Variants in NAA15 observed in about 807,000 individuals in gnomAD.
NAA15 encodes the protein N-alpha-acetyltransferase 15, NatA auxiliary subunit, also known as N-terminal acetyltransferase.
A neutral mutation model predicts 114.0 loss-of-function variants in NAA15; 34 were observed. The ratio of observed to expected loss-of-function variants is 0.30; its 90% CI spans 0.23 to 0.40. The LOEUF is 0.40. Ranked by LOEUF, NAA15 falls within the 10% of genes least tolerant of loss-of-function variation. NAA15 has a pLI of 1.00. For missense variants in NAA15, 658 were observed against 1,004.5 expected (o/e 0.66, Z 4.66); for synonymous variants, 340 against 338.0 (o/e 1.01, Z -0.06).
At chr4:139,323,664 G>A (rs1405232585) in intron 1 of NAA15, among the ~76,000 whole-genome samples, 1 of 152,184 alleles carries the variant, frequency 6.6e-6, no homozygotes, top group African/African-American at 2.4e-5. Context: ...CTGCAGTCTG[G>A]AAGATGCTTC....
intron 4 of NAA15, among the ~76,000 whole-genome samples, chr4:139,341,455 C>T (rs993868782): frequency 5.3e-5 from 8 of 151,056 alleles, no homozygotes; most frequent in South Asian, 4.2e-4. Flanking sequence ...ATTAGCTAGG[C>T]GTGGTGGCAG....
At chr4:139,351,015 A>C (rs1297568742) in intron 7 of NAA15, among the ~76,000 whole-genome samples, 176 bp from the exon 8 acceptor site, 1 of 152,212 alleles carries the variant, frequency 6.6e-6, no homozygotes, top group Non-Finnish European at 1.5e-5. Context: ...TAAGATAAAA[A>C]AAATTGAAAA....
intron 15 of NAA15, among the ~76,000 whole-genome samples, chr4:139,374,508 A>C (rs1234221753): frequency 2.0e-5 from 3 of 152,180 alleles, no homozygotes; most frequent in Non-Finnish European, 4.4e-5. Context: ...TTTGGTATTG[A>C]AAACATGGTT....
At chr4:139,361,070 G>T (rs181935402) in intron 13 of NAA15, among the ~76,000 whole-genome samples, 2 of 152,168 alleles carry the variant, frequency 1.3e-5, no homozygotes, top group East Asian at 1.9e-4. Flanking sequence ...TGATAAAATT[G>T]TTTTCTTAAT....
At chr4:139,309,167 G>A (rs1054709441) in intron 1 of NAA15, among the ~76,000 whole-genome samples, 5 of 150,918 alleles carry the variant, frequency 3.3e-5, no homozygotes, top group Admixed American at 3.3e-4. Flanking sequence ...GGCCAACATG[G>A]TGAAACCCCG....
chr4:139,334,296 C>A, intron 2 of NAA15, 38 bp downstream of exon 2: 1 of 1,329,220 alleles, frequency 7.5e-7, no homozygotes, highest in South Asian at 1.4e-5. Context: ...ACATACCTGT[C>A]TGGCCTCTCT....
chr4:139,361,178 G>A (rs1174478583), intron 13 of NAA15, among the ~76,000 whole-genome samples: 3 of 151,844 alleles, frequency 2.0e-5, no homozygotes, highest in Admixed American at 6.6e-5. Flanking sequence ...TTTCACATTT[G>A]CAATATTGTC....
chr4:139,371,541 A>ACACG (rs1239183843), intron 15 of NAA15, among the ~76,000 whole-genome samples: 3 of 148,728 alleles, frequency 2.0e-5, no homozygotes, highest in South Asian at 2.1e-4. Flanking sequence ...ACACACACAC[A>ACACG]CGAAATATAG....
chr4:139,326,341 A>G (rs1353907450), intron 1 of NAA15, among the ~76,000 whole-genome samples: 1 of 152,192 alleles, frequency 6.6e-6, no homozygotes, highest in Non-Finnish European at 1.5e-5. Flanking sequence ...CCTGCTTCAT[A>G]TCATTAAGAT....
intron 18 of NAA15, among the ~76,000 whole-genome samples, chr4:139,385,189 G>C (rs553782365): frequency 1.3e-5 from 2 of 149,826 alleles, no homozygotes; most frequent in South Asian, 4.2e-4. Flanking sequence ...TGCTGAGGCA[G>C]AAGGATCACT....
intron 1 of NAA15, among the ~76,000 whole-genome samples, chr4:139,309,929 T>G (rs967804970): frequency 1.3e-5 from 2 of 152,180 alleles, no homozygotes; most frequent in Non-Finnish European, 2.9e-5. Flanking sequence ...AACTAGTTAT[T>G]TGATGATAAT....
chr4:139,385,300 AAT>A (rs1553999087), intron 18 of NAA15, among the ~76,000 whole-genome samples: 1 of 90,184 alleles, frequency 1.1e-5, no homozygotes, highest in South Asian at 3.2e-4. Flanking sequence ...ATATATATAT[AAT>A]ATATATTATA....
intron 19 of NAA15, chr4:139,386,459 T>C (rs1748912353): frequency 3.2e-6 from 1 of 316,662 alleles, no homozygotes; most frequent in African/African-American, 2.2e-5. Context: ...ATACATTCCA[T>C]CGTCATTTTT....
chr4:139,357,172 A>G (rs924238340), intron 10 of NAA15, among the ~76,000 whole-genome samples: 5 of 152,200 alleles, frequency 3.3e-5, no homozygotes, highest in Non-Finnish European at 5.9e-5. Flanking sequence ...AAGTTATTAT[A>G]TGAAAGGGAT....
intron 1 of NAA15, among the ~76,000 whole-genome samples, chr4:139,327,965 T>A (rs1444136285): frequency 6.6e-6 from 1 of 152,212 alleles, no homozygotes; most frequent in East Asian, 1.9e-4. Flanking sequence ...CTTTTTCATT[T>A]TAACTTACAC....
At chr4:139,304,348 C>A (rs1248670639) in intron 1 of NAA15, among the ~76,000 whole-genome samples, 5 of 152,256 alleles carry the variant, frequency 3.3e-5, no homozygotes, top group African/African-American at 4.8e-5. Flanking sequence ...AACCATGGTT[C>A]ATTATTATAA....
chr4:139,385,132 C>T (rs1748859643), intron 18 of NAA15, among the ~76,000 whole-genome samples, 154 bp downstream of exon 18: 1 of 151,096 alleles, frequency 6.6e-6, no homozygotes, highest in Non-Finnish European at 1.5e-5. Flanking sequence ...AATAAGCTTC[C>T]TAAGCTGGGC....
At position 139,375,525 on chromosome 4, in the gene NAA15, C is replaced by A. The variant is rs186427487; in HGVS notation, c.1948-840C>A. 9.9e-5 allele frequency among the ~76,000 whole-genome samples: 15 copies of A among 151,868 alleles called. No individual in the cohort carries two copies. The East Asian group carries it at 2.3e-3, about 23-fold the overall frequency. The stretch of plus-strand genomic sequence containing the variant: ...CCCAGAAGCTGTTTTGGTGAAATCA[C>A]AATTACTCTACTAACAGAGGCACGT... On this transcript the variant is annotated intron_variant, in intron 15 of 19. Coordinates refer to ENST00000296543, the MANE Select transcript of NAA15 (RefSeq NM_057175.5).
chr4:139,310,929 A>G (rs1008993638), intron 1 of NAA15, among the ~76,000 whole-genome samples: 1 of 129,386 alleles, frequency 7.7e-6, no homozygotes, highest in Admixed American at 7.2e-5. Flanking sequence ...TAATTTAAAA[A>G]ATTTTGAGAC....
Sources: gnomAD v4.1 joint callset for allele counts (sites outside exome capture counted in the v4.1 genomes callset) on GRCh38, gnomAD v4.1.1 for gene constraint, MANE v1.5 for transcripts, NCBI Gene and HGNC (gene_info 2026-07-23, HGNC 2026-07-21) for gene names.